Variants in KCTD20 observed in about 807,000 individuals in gnomAD.
The protein encoded by KCTD20 is potassium channel tetramerization domain containing 20.
Under a neutral mutation model 39.6 loss-of-function variants are expected in KCTD20, and 30 were observed. That is an observed-to-expected ratio of 0.76 (90% confidence interval 0.57 to 1.03). The LOEUF (loss-of-function observed/expected upper bound fraction) is 1.03. Ranked by LOEUF, KCTD20 falls within the 50% of genes least tolerant of loss-of-function variation. The pLI is 0.00. For missense variants in KCTD20, 422 were observed against 522.0 expected, an observed-to-expected ratio of 0.81 and a Z score of 1.87; for synonymous variants, 162 against 180.6, an observed-to-expected ratio of 0.90 and a Z score of 0.83.
At chr6:36,477,609 A>C (rs1776105847) in intron 3 of KCTD20, among the ~76,000 whole-genome samples, 1 of 149,952 alleles carries the variant, frequency 6.7e-6, no homozygotes, top group Non-Finnish European at 1.5e-5. Flanking sequence ...CCTCCCGCAC[A>C]GCTGGGACTA....
At chr6:36,445,098 C>T (rs976144291) in intron 1 of KCTD20, among the ~76,000 whole-genome samples, 2 of 151,892 alleles carry the variant, frequency 1.3e-5, no homozygotes, top group African/African-American at 2.4e-5. Flanking sequence ...CCTGTCTCTA[C>T]TAAAAATACA....
intron 3 of KCTD20, among the ~76,000 whole-genome samples, chr6:36,477,919 C>G (rs1264041716): frequency 6.6e-6 from 1 of 151,050 alleles, no homozygotes. Flanking sequence ...CGATGAAACC[C>G]TGTCTCTACT....
At chr6:36,456,965 T>G (rs149803088) in intron 1 of KCTD20, among the ~76,000 whole-genome samples, 1 of 152,158 alleles carries the variant, frequency 6.6e-6, no homozygotes, top group African/African-American at 2.4e-5. Flanking sequence ...GCCTGGCTAA[T>G]TTTTTTGTAT....
intron 2 of KCTD20, among the ~76,000 whole-genome samples, chr6:36,473,513 C>CT (rs1184475753): frequency 1.3e-5 from 2 of 152,006 alleles, no homozygotes; most frequent in Non-Finnish European, 2.9e-5. Flanking sequence ...TGGCTCATGC[C>CT]TGTAATCCCA....
In KCTD20 at chr6:36,474,800, G is replaced by A. The variant is rs1190788999; in HGVS notation, c.172G>A (p.Asp58Asn). 1.9e-6 allele frequency: 3 copies of A among 1,609,180 alleles called. No individual in the cohort carries two copies. The highest frequency in any genetic ancestry group is 2.5e-6 in the Non-Finnish European group (3 of 1,176,788). Residue 58 changes from aspartate to asparagine, a missense_variant, in exon 3 of 8, where the codon GAC (aspartate) becomes AAC (asparagine). Transcript: ENST00000373731. Reference protein sequence around the residue: ...LGPRNEDLSLDYASQPANLQF... With the variant: ...LGPRNEDLSLNYASQPANLQF... The stretch of plus-strand genomic sequence containing the variant: ...GTATGTTCTTTTAGACCTCTCACTT[G>A]ACTATGCCTCTCAGCCAGCAAATCT...
At chr6:36,444,502 G>A (rs1478823337) in intron 1 of KCTD20, among the ~76,000 whole-genome samples, 1 of 152,074 alleles carries the variant, frequency 6.6e-6, no homozygotes, top group African/African-American at 2.4e-5. Flanking sequence ...AGTATCATCA[G>A]AGCTTAATGC....
At chr6:36,449,540 CTGAT>C (rs1257457068) in intron 1 of KCTD20, among the ~76,000 whole-genome samples, 5 of 152,336 alleles carry the variant, frequency 3.3e-5, no homozygotes, top group African/African-American at 1.2e-4. Flanking sequence ...ACACAGAGCA[CTGAT>C]TGGTGCGTTT....
At chr6:36,453,192 A>T (rs941286400) in intron 1 of KCTD20, among the ~76,000 whole-genome samples, 1 of 151,252 alleles carries the variant, frequency 6.6e-6, no homozygotes, top group Non-Finnish European at 1.5e-5. Context: ...TTGTATTATT[A>T]GTAGAGACAG....
At chr6:36,448,015 G>GTGTGTATATATATA (rs559687288) in intron 1 of KCTD20, among the ~76,000 whole-genome samples, 3 of 128,950 alleles carry the variant, frequency 2.3e-5, no homozygotes, top group African/African-American at 1.0e-4. Flanking sequence ...ATGTGTGTGT[G>GTGTGTATATATATA]TATATATATA....
intron 1 of KCTD20, among the ~76,000 whole-genome samples, chr6:36,446,304 A>G (rs938576265): frequency 3.9e-5 from 6 of 152,146 alleles, no homozygotes; most frequent in Non-Finnish European, 7.3e-5. Context: ...CTGGGATTAC[A>G]GGTTTGAGCC....
intron 1 of KCTD20, among the ~76,000 whole-genome samples, chr6:36,444,146 G>A (rs1201824937): frequency 6.6e-6 from 1 of 152,156 alleles, no homozygotes; most frequent in Non-Finnish European, 1.5e-5. Context: ...TTTGATTCTA[G>A]AGATTTGTGA....
chr6:36,460,741 AT>A (rs1775578551), intron 1 of KCTD20, among the ~76,000 whole-genome samples: 1 of 152,116 alleles, frequency 6.6e-6, no homozygotes, highest in Admixed American at 6.6e-5. Context: ...CAGGAAGATT[AT>A]ATGTCCTAGC....
intron 2 of KCTD20, among the ~76,000 whole-genome samples, chr6:36,472,417 G>C (rs888511510): frequency 6.6e-6 from 1 of 152,110 alleles, no homozygotes; most frequent in Non-Finnish European, 1.5e-5. Context: ...CAATTTATTT[G>C]GTTGTCTGAG....
Position 36,487,088 on chromosome 6 carries a change from A to T in KCTD20, c.1173A>T (p.Ile391=). Residue 391 remains isoleucine, a synonymous_variant, in exon 8 of 8, where the codon ATA becomes ATT. Transcript: ENST00000373731. Reference sequence around the variant, plus strand: ...ATGATGTCTTGGAGGACCAGGAGATATTAATGCATCACCCACCCCAAGTGG... The same window carrying T: ...ATGATGTCTTGGAGGACCAGGAGATTTTAATGCATCACCCACCCCAAGTGG... ...AGDDVLEDQE[I]LMHHPPQVDE... 1 of 1,614,198 alleles carries T rather than the reference A, an allele frequency of 6.2e-7. No individual in the cohort carries two copies. The highest frequency in any genetic ancestry group is 8.5e-7 in the Non-Finnish European group (1 of 1,180,016).
rs1423744464 is a variant in KCTD20 at position 36,481,609 on chromosome 6, G to A, written c.706G>A (p.Asp236Asn). ...LSNDGAHKQF[D>N]HYLEELILPI... ...TAATGACGGTGCTCATAAGCAGTTT[G>A]ATCACTACCTCGAAGAGCTCATCTT... Residue 236 changes from aspartate to asparagine, a missense_variant, in exon 6 of 8, where the codon GAT becomes AAT. Asp to Asn is a conservative substitution (Grantham distance 23). Coordinates refer to ENST00000373731, the MANE Select transcript of KCTD20 (RefSeq NM_173562.5). The A allele has an allele frequency of 1.9e-6, 3 of 1,614,078 alleles. No homozygotes were observed. Among genetic ancestry groups the A allele is most frequent in the Admixed American group, 3.3e-5 (2 of 60,002 alleles).
Position 36,469,211 on chromosome 6 carries a change from A to C in KCTD20, c.-46-841A>C, listed in dbSNP as rs1428564283. On this transcript the variant is annotated intron_variant, in intron 1 of 7. Transcript: ENST00000373731. This position sits in a 1 kb window ranked among gnomAD's most constrained non-coding sequence, Gnocchi z 4.6. ...CCAGAATGCCAGTGGAAATTTGTAC[A>C]GTGTAAACTGTGAAAGTGCTAAGTA... Among the ~76,000 whole-genome samples, 1 of 152,222 alleles carries C rather than the reference A, an allele frequency of 6.6e-6. No individual in the cohort carries two copies. The highest frequency in any genetic ancestry group is 1.5e-5 in the Non-Finnish European group (1 of 68,040).
At chr6:36,450,706 A>G (rs1387031387) in intron 1 of KCTD20, among the ~76,000 whole-genome samples, 1 of 152,178 alleles carries the variant, frequency 6.6e-6, no homozygotes, top group African/African-American at 2.4e-5. Context: ...CTGTTAGCCT[A>G]CTGAATAATG....
chr6:36,449,837 G>C (rs953423993), intron 1 of KCTD20, among the ~76,000 whole-genome samples: 2 of 152,152 alleles, frequency 1.3e-5, no homozygotes, highest in African/African-American at 4.8e-5. Flanking sequence ...TTTTGAGGGA[G>C]ACACAGTTCA....
intron 3 of KCTD20, among the ~76,000 whole-genome samples, chr6:36,477,880 C>T (rs1776115406): frequency 6.7e-6 from 1 of 150,240 alleles, no homozygotes. Context: ...CCGAGGCGGG[C>T]AGATCACGAG....
Sources: gnomAD v4.1 joint callset for allele counts (sites outside exome capture counted in the v4.1 genomes callset) on GRCh38, gnomAD v4.1.1 for gene constraint, Gnocchi (gnomAD v3.1) non-coding constraint, MANE v1.5 for transcripts, NCBI Gene and HGNC (gene_info 2026-07-23, HGNC 2026-07-21) for gene names.